ALG6: variants seen among roughly 807,000 people sequenced by gnomAD.
The protein encoded by ALG6 is dolichyl pyrophosphate Man9GlcNAc2 alpha-1,3-glucosyltransferase.
A neutral mutation model predicts 66.6 loss-of-function variants in ALG6; 46 were observed. The observed-to-expected ratio is 0.69, with a 90% CI of 0.55 to 0.88. The LOEUF is 0.88. Among genes scored for constraint, ALG6 ranks in the 40% least tolerant of loss-of-function variants. The pLI is 0.00. For synonymous variants in ALG6, 185 were observed against 203.7 expected (o/e 0.91, Z 0.78); for missense variants, 505 against 586.8 (o/e 0.86, Z 1.44).
intron 11 of ALG6, among the ~76,000 whole-genome samples, chr1:63,416,556 T>A (rs1644546707): frequency 6.6e-6 from 1 of 152,120 alleles, no homozygotes; most frequent in South Asian, 2.1e-4. Context: ...TAGTGAAAGA[T>A]AAGGGTAAAA....
At chr1:63,412,615 A>G (rs553012506) in intron 9 of ALG6, among the ~76,000 whole-genome samples, 24 of 152,280 alleles carry the variant, frequency 1.6e-4, no homozygotes, top group Non-Finnish European at 3.1e-4. Flanking sequence ...ATGTTGCTTC[A>G]GGAAGATCTC....
At chr1:63,371,760 A>G (rs1398361359) in intron 2 of ALG6, among the ~76,000 whole-genome samples, 2 of 152,112 alleles carry the variant, frequency 1.3e-5, no homozygotes, top group African/African-American at 4.8e-5. Flanking sequence ...GCACGCGACC[A>G]TGCCCAGCTA....
intron 4 of ALG6, among the ~76,000 whole-genome samples, chr1:63,402,868 G>A (rs184712975): frequency 1.3e-4 from 19 of 151,148 alleles, no homozygotes; most frequent in Non-Finnish European, 8.9e-5. Flanking sequence ...AGGCCGAGGC[G>A]GGCGGATCAC....
rs752115616 is a variant in ALG6 at position 63,412,020 on chromosome 1, G to C, written c.775G>C (p.Val259Leu). 8.7e-6 allele frequency: 14 copies of C among 1,614,082 alleles called. 1 individual carries two copies. The highest frequency in any genetic ancestry group is 2.2e-5 in the South Asian group (2 of 91,086). Reference sequence around the variant, plus strand: ...TACAGAAAGGGAACAAACCCTGCAGGTTCTAAGAAGACTCTTCCCGGTTGA... The same window carrying C: ...TACAGAAAGGGAACAAACCCTGCAGCTTCTAAGAAGACTCTTCCCGGTTGA... The part of the protein sequence containing the change: ...FFTEREQTLQ[V>L]LRRLFPVDRG... The change falls in exon 9 of 15, where the codon GTT becomes CTT. Residue 259 changes from valine to leucine, a missense_variant. By Grantham distance (32) the Val-to-Leu change is conservative. Transcript: ENST00000263440.
Position 63,412,023 on chromosome 1 carries a change from C to T in ALG6, c.778C>T (p.Leu260=), listed in dbSNP as rs12733227. Residue 260 remains leucine, a synonymous_variant, in exon 9 of 15, where the codon CTA becomes TTA. Coordinates refer to ENST00000263440, the MANE Select transcript of ALG6 (RefSeq NM_013339.4). ...AGAAAGGGAACAAACCCTGCAGGTT[C>T]TAAGAAGACTCTTCCCGGTTGATCG... The part of the protein sequence containing the change: ...FTEREQTLQV[L]RRLFPVDRGL... 1 of 1,614,100 alleles carries T rather than the reference C, an allele frequency of 6.2e-7. No homozygotes were observed. Among genetic ancestry groups the T allele is most frequent in the Non-Finnish European group, 8.5e-7 (1 of 1,179,990 alleles).
rs534415300 is a variant in ALG6 at position 63,371,172 on chromosome 1, T to A, written c.82+113T>A. The A allele has an allele frequency of 5.6e-6, 4 of 712,478 alleles. No homozygotes were observed. In the South Asian group the frequency reaches 6.3e-5, roughly 11 times the overall value. The allele number at this position is 712,478 out of a possible 1,614,324, so 44.1% of individuals were successfully genotyped here. ...GTACAGAGAAGAATTTCAGGCCTTTTTGATATGGTTGAGAAAATACATTTA... is the reference window on the plus strand; with the variant it reads ...GTACAGAGAAGAATTTCAGGCCTTTATGATATGGTTGAGAAAATACATTTA... On this transcript the variant is annotated intron_variant, in intron 2 of 14. Transcript: ENST00000263440.
intron 2 of ALG6, among the ~76,000 whole-genome samples, chr1:63,395,231 A>G (rs1440517994): frequency 6.6e-6 from 1 of 152,244 alleles, no homozygotes; most frequent in African/African-American, 2.4e-5. Context: ...GTTAGTTATT[A>G]CAAATCCATT....
At chr1:63,399,579 G>A (rs1043369932) in intron 3 of ALG6, among the ~76,000 whole-genome samples, 9 of 152,154 alleles carry the variant, frequency 5.9e-5, no homozygotes, top group African/African-American at 2.2e-4. Flanking sequence ...TGTAATTGGT[G>A]TCTGTTGTCT....
chr1:63,434,755 C>T (rs1426981852), intron 14 of ALG6, among the ~76,000 whole-genome samples: 5 of 152,074 alleles, frequency 3.3e-5, no homozygotes, highest in Middle Eastern at 3.2e-3. Flanking sequence ...AGGCTGGAGA[C>T]GAAGTTGAGT....
Position 63,416,901 on chromosome 1 carries a change from T to C in ALG6, c.987+944T>C, listed in dbSNP as rs540940617. Among the ~76,000 whole-genome samples, 130 of 152,312 alleles carry C rather than the reference T, an allele frequency of 8.5e-4. 1 individual carries two copies. Among genetic ancestry groups the C allele is most frequent in the African/African-American group, 3.0e-3 (125 of 41,578 alleles). On this transcript the variant is annotated intron_variant, in intron 11 of 14. Coordinates refer to ENST00000263440, the MANE Select transcript of ALG6 (RefSeq NM_013339.4). ...AAAACAGTAAGTCCTACTGGACTTA[T>C]GTGAGGCAACATTTAGAAATTAGGG...
chr1:63,381,216 A>G (rs1212016751), intron 2 of ALG6, among the ~76,000 whole-genome samples: 3 of 152,158 alleles, frequency 2.0e-5, no homozygotes, highest in African/African-American at 7.2e-5. Flanking sequence ...GCACTTTGGG[A>G]GGCCGAGGCA....
At chr1:63,411,390 A>C in intron 8 of ALG6, 59 bp downstream of exon 8, 2 of 1,490,142 alleles carry the variant, frequency 1.3e-6, no homozygotes, top group Non-Finnish European at 1.8e-6. Flanking sequence ...TTTTTGGCAT[A>C]CTTACTTGCA....
intron 12 of ALG6, among the ~76,000 whole-genome samples, chr1:63,424,832 A>G (rs1216020270): frequency 7.0e-6 from 1 of 142,094 alleles, no homozygotes; most frequent in Non-Finnish European, 1.5e-5. Context: ...AGGTTAGAGT[A>G]CAGTGGTGCA....
At chr1:63,370,677 C>A in intron 1 of ALG6, 94 bp from the exon 2 acceptor site, 1 of 350,830 alleles carries the variant, frequency 2.9e-6, no homozygotes, top group Non-Finnish European at 5.3e-6. Flanking sequence ...CTACCCCTCC[C>A]CTCGAATTCT....
At chr1:63,436,714 C>T (rs527735231) in intron 14 of ALG6, 109 bp from the exon 15 acceptor site, 1 of 1,077,060 alleles carries the variant, frequency 9.3e-7, no homozygotes, top group Non-Finnish European at 1.4e-6. Flanking sequence ...TAAATTAGAC[C>T]CTCAACCCTC....
Position 63,371,079 on chromosome 1 carries a change from T to A in ALG6, c.82+20T>A. On this transcript the variant is annotated intron_variant, in intron 2 of 14. Transcript: ENST00000263440. ...ATTCAGGTAATACATTTTTACTGGTTAAAAAAAAAACGAAATTTTCCTTTG... is the reference window on the plus strand; with the variant it reads ...ATTCAGGTAATACATTTTTACTGGTAAAAAAAAAAACGAAATTTTCCTTTG... The A allele has an allele frequency of 7.0e-7, 1 of 1,423,666 alleles. No individual in the cohort carries two copies. The highest frequency in any genetic ancestry group is 9.6e-7 in the Non-Finnish European group (1 of 1,036,880). 88.2% of individuals were successfully genotyped at this position (1,423,666 alleles called of 1,614,324 possible). A position where few individuals can be genotyped will look rare whatever the true frequency, so the allele number is the denominator to read the frequency against.
At chr1:63,415,204 C>CAACTGGGAA (rs199725921) in intron 10 of ALG6, among the ~76,000 whole-genome samples, 2,498 of 152,300 alleles carry the variant, frequency 0.016, 26 homozygotes, top group Non-Finnish European at 0.027. Context: ...TCAAAATCTA[C>CAACTGGGAA]AACTGGGAAA....
chr1:63,404,092 A>G (rs1418205330), intron 4 of ALG6, among the ~76,000 whole-genome samples: 1 of 152,204 alleles, frequency 6.6e-6, no homozygotes, highest in Admixed American at 6.5e-5. Flanking sequence ...TAACTAAAAT[A>G]TTATAAATTG....
intron 9 of ALG6, among the ~76,000 whole-genome samples, chr1:63,412,330 C>G (rs551579040): frequency 2.8e-4 from 43 of 152,198 alleles, no homozygotes; most frequent in Admixed American, 1.6e-3. Flanking sequence ...GCCTTTGCCT[C>G]CCAAGTAGCT....
Sources: gnomAD v4.1 joint callset for allele counts (sites outside exome capture counted in the v4.1 genomes callset) on GRCh38, gnomAD v4.1.1 for gene constraint, MANE v1.5 for transcripts, NCBI Gene and HGNC (gene_info 2026-07-23, HGNC 2026-07-21) for gene names.